The following KIRREL3 variants were observed in gnomAD, a reference collection of about 807,000 sequenced individuals.
KIRREL3 encodes the protein kirre like nephrin family adhesion molecule 3.
In KIRREL3, 36 loss-of-function variants were observed where a neutral mutation model predicts 89.7. That is an observed-to-expected ratio of 0.40 (90% CI 0.31 to 0.53). The LOEUF (loss-of-function observed/expected upper bound fraction) is 0.53. Ranked by LOEUF, KIRREL3 falls within the 20% of genes least tolerant of loss-of-function variation. The pLI, the probability that KIRREL3 is intolerant of heterozygous loss-of-function variation, is 0.49. For missense variants in KIRREL3, 864 were observed against 1,056.6 expected (o/e 0.82, Z 2.53); for synonymous variants, 445 against 441.4 (o/e 1.01, Z -0.10).
Position 126,527,709 on chromosome 11 carries a change from A to G in KIRREL3, c.134-1022T>C, listed in dbSNP as rs1489483343. ...CATTTGACAGGACTTTGGGAAACGG[A>G]GGCTCAGGGTTAACTGAATTGCCCA... On this transcript the variant is annotated intron_variant, in intron 2 of 16. Coordinates refer to ENST00000525144, the MANE Select transcript of KIRREL3 (RefSeq NM_032531.4). This position sits in a 1 kb window ranked among gnomAD's most constrained non-coding sequence, Gnocchi z 4.2. 6.6e-6 allele frequency among the ~76,000 whole-genome samples: 1 copy of G among 152,058 alleles called. No individual in the cohort carries two copies. Among genetic ancestry groups the G allele is most frequent in the Non-Finnish European group, 1.5e-5 (1 of 68,026 alleles).
chr11:126,633,256 G>T (rs1008735973), intron 1 of KIRREL3, among the ~76,000 whole-genome samples: 1 of 152,100 alleles, frequency 6.6e-6, no homozygotes, highest in East Asian at 1.9e-4. Flanking sequence ...GGAATGTAGA[G>T]GATGGGTCAA....
chr11:126,972,782 C>G (rs909251846), intron 1 of KIRREL3, among the ~76,000 whole-genome samples: 12 of 152,158 alleles, frequency 7.9e-5, no homozygotes, highest in African/African-American at 2.9e-4. Flanking sequence ...TCTTCCTTCC[C>G]TACATATTCT....
chr11:126,930,091 C>T (rs1324412771), intron 1 of KIRREL3, among the ~76,000 whole-genome samples: 8 of 148,408 alleles, frequency 5.4e-5, no homozygotes, highest in Non-Finnish European at 9.0e-5. Flanking sequence ...TTGCTGATTC[C>T]CATTTGTGTG....
intron 5 of KIRREL3, among the ~76,000 whole-genome samples, chr11:126,466,600 C>G (rs2134263249): frequency 6.6e-6 from 1 of 152,336 alleles, no homozygotes. Flanking sequence ...TCTCTTGTTT[C>G]TTTTGCTTCA....
Position 126,424,638 on chromosome 11 carries a change from G to C in KIRREL3, c.2279C>G (p.Ser760Trp). 6.2e-7 allele frequency: 1 copy of C among 1,614,066 alleles called. No individual in the cohort carries two copies. The highest frequency in any genetic ancestry group is 8.5e-7 in the Non-Finnish European group (1 of 1,179,910). The change falls in exon 17 of 17, where the codon TCG becomes TGG. Residue 760 changes from serine (S) to tryptophan (W), a missense_variant. Transcript: ENST00000525144. ...TCGACTGGGGTCAGAGTTCTGGGACGAGGACTGGGAGTGGTGGGAGGAGGA... is the reference window on the plus strand; with the variant it reads ...TCGACTGGGGTCAGAGTTCTGGGACCAGGACTGGGAGTGGTGGGAGGAGGA... ...SASSSHHSQS[S>W]SQNSDPSRPL...
intron 2 of KIRREL3, among the ~76,000 whole-genome samples, chr11:126,536,741 T>C (rs1173298208): frequency 6.7e-6 from 1 of 149,852 alleles, no homozygotes; most frequent in Admixed American, 6.7e-5. Context: ...GCCTCTTGGA[T>C]TCAAGTGATT....
At chr11:126,889,798 C>A (rs1945842049) in intron 1 of KIRREL3, among the ~76,000 whole-genome samples, 1 of 152,172 alleles carries the variant, frequency 6.6e-6, no homozygotes, top group Non-Finnish European at 1.5e-5. Context: ...AATTAGATAT[C>A]TTTTGCAGGG....
rs1954827584 is a variant in KIRREL3, at chr11:126,423,978, C to G, written c.*602G>C. The G allele has an allele frequency of 6.3e-6, 1 of 158,024 alleles. No individual in the cohort carries two copies. The highest frequency in any genetic ancestry group is 2.4e-5 in the African/African-American group (1 of 41,498). The allele number at this position is 158,024 out of a possible 1,614,324, so 9.8% of individuals were successfully genotyped here. ...CTGCAAGAGTATGGACACAAAACAC[C>G]AAACAAATTGGGGGTGGGCTCCCGG... On this transcript the variant is annotated 3_prime_UTR_variant, in exon 17 of 17. Coordinates refer to ENST00000525144, the MANE Select transcript of KIRREL3 (RefSeq NM_032531.4).
At chr11:126,815,374 C>G (rs542973495) in intron 1 of KIRREL3, among the ~76,000 whole-genome samples, 1 of 152,288 alleles carries the variant, frequency 6.6e-6, no homozygotes, top group East Asian at 1.9e-4. Flanking sequence ...TGACCTGAGG[C>G]ACACAACTGA....
In KIRREL3 at chr11:126,817,908, C is replaced by G. The variant is rs1471528288; in HGVS notation, c.55+182547G>C. Among the ~76,000 whole-genome samples the G allele has an allele frequency of 6.6e-6, 1 of 152,196 alleles. No homozygotes were observed. The highest frequency in any genetic ancestry group is 1.5e-5 in the Non-Finnish European group (1 of 68,036). On this transcript the variant is annotated intron_variant, in intron 1 of 16. Transcript: ENST00000525144. This position sits in a 1 kb window ranked among gnomAD's most constrained non-coding sequence, Gnocchi z 5.7. ...GAAGCTCTAGATCTTGGCACCCCGT[C>G]CTCTTGGCTCTGGCTGAGCCACTCA...
chr11:126,951,978 G>A (rs994861059), intron 1 of KIRREL3, among the ~76,000 whole-genome samples: 3 of 152,212 alleles, frequency 2.0e-5, no homozygotes, highest in Non-Finnish European at 2.9e-5. Flanking sequence ...GATCCATGAT[G>A]AGCCAGAGTT....
rs757833194 is a variant in KIRREL3, at chr11:126,769,411, T to A, written c.56-206499A>T. ...ACAAATCCTGCAATATCTGTCCAAG[T>A]CAACATGAGACATTATTGGATAGAT... On this transcript the variant is annotated intron_variant, in intron 1 of 16. Transcript: ENST00000525144. The surrounding 1 kb of genome is among the most constrained non-coding windows in gnomAD (Gnocchi z 4.3). 6.6e-6 allele frequency among the ~76,000 whole-genome samples: 1 copy of A among 152,140 alleles called. No individual in the cohort carries two copies. Among genetic ancestry groups the A allele is most frequent in the Non-Finnish European group, 1.5e-5 (1 of 68,026 alleles).
rs1273357409 is a variant in KIRREL3, at chr11:126,571,290, T to C, written c.56-8378A>G. Among the ~76,000 whole-genome samples the C allele has an allele frequency of 6.6e-6, 1 of 152,204 alleles. No individual in the cohort carries two copies. The highest frequency in any genetic ancestry group is 1.5e-5 in the Non-Finnish European group (1 of 68,030). ...CTCCCAACTGATGAATTGCCTGGAATTCTGACACAGCCATCAGCTTTCTCT... is the reference window on the plus strand; with the variant it reads ...CTCCCAACTGATGAATTGCCTGGAACTCTGACACAGCCATCAGCTTTCTCT... On this transcript the variant is annotated intron_variant, in intron 1 of 16. Transcript: ENST00000525144. This position sits in a 1 kb window ranked among gnomAD's most constrained non-coding sequence, Gnocchi z 7.7.
intron 1 of KIRREL3, among the ~76,000 whole-genome samples, chr11:126,727,340 G>A (rs1409799585): frequency 4.6e-5 from 7 of 152,194 alleles, no homozygotes; most frequent in South Asian, 4.1e-4. Flanking sequence ...CAGACCCCTC[G>A]GAAAGTGTTC....
chr11:126,999,938 C>T lies in KIRREL3; in HGVS notation c.55+517G>A, dbSNP rs1327774889. On this transcript the variant is annotated intron_variant, in intron 1 of 16. Coordinates refer to ENST00000525144, the MANE Select transcript of KIRREL3 (RefSeq NM_032531.4). The surrounding 1 kb of genome is among the most constrained non-coding windows in gnomAD (Gnocchi z 5.7). Reference sequence around the variant, plus strand: ...TTTCCCAACCACTGCAAATTACCCCCCACAATACATTCTGTAATTGCAACC... The same window carrying T: ...TTTCCCAACCACTGCAAATTACCCCTCACAATACATTCTGTAATTGCAACC... Among the ~76,000 whole-genome samples, 4 of 152,148 alleles carry T rather than the reference C, an allele frequency of 2.6e-5. No individual in the cohort carries two copies. The highest frequency in any genetic ancestry group is 2.1e-4 in the South Asian group (1 of 4,822).
rs1224398586 is a variant in KIRREL3, at chr11:126,708,464, G to C, written c.56-145552C>G. ...TCTTTGCAGGGGAAGACTGGAAATA[G>C]AGTCCTTTATCTCAGATATCAAACC... On this transcript the variant is annotated intron_variant, in intron 1 of 16. Transcript: ENST00000525144. This position sits in a 1 kb window ranked among gnomAD's most constrained non-coding sequence, Gnocchi z 5.7. 6.6e-6 allele frequency among the ~76,000 whole-genome samples: 1 copy of C among 152,206 alleles called. No homozygotes were observed. The highest frequency in any genetic ancestry group is 1.9e-4 in the East Asian group (1 of 5,196).
intron 1 of KIRREL3, among the ~76,000 whole-genome samples, chr11:126,671,496 C>A (rs1170463217): frequency 1.3e-5 from 2 of 151,964 alleles, no homozygotes; most frequent in Admixed American, 1.3e-4. Context: ...AAAGACAAGT[C>A]ATTGACCAGG....
rs987698260 is a variant in KIRREL3, at chr11:126,940,292, G to A, written c.55+60163C>T. ...TAAATATATCCTTTTTTTCTAGATT[G>A]GAAAAACAATAGTTGTTTCTTTTTT... On this transcript the variant is annotated intron_variant, in intron 1 of 16. Transcript: ENST00000525144. This position sits in a 1 kb window ranked among gnomAD's most constrained non-coding sequence, Gnocchi z 4.6. 4.6e-5 allele frequency among the ~76,000 whole-genome samples: 7 copies of A among 151,870 alleles called. No individual in the cohort carries two copies. Among genetic ancestry groups the A allele is most frequent in the African/African-American group, 1.7e-4 (7 of 41,334 alleles).
chr11:126,529,030 G>T (rs949434620), intron 2 of KIRREL3, among the ~76,000 whole-genome samples: 17 of 152,210 alleles, frequency 1.1e-4, no homozygotes, highest in African/African-American at 3.6e-4. Context: ...TCAGGTGGAC[G>T]TGGAGGGGGT....
Sources: gnomAD v4.1 joint callset for allele counts (sites outside exome capture counted in the v4.1 genomes callset) on GRCh38, gnomAD v4.1.1 for gene constraint, Gnocchi (gnomAD v3.1) non-coding constraint, MANE v1.5 for transcripts, NCBI Gene and HGNC (gene_info 2026-07-23, HGNC 2026-07-21) for gene names.